The following CSMD1 variants were observed in gnomAD, a reference collection of about 807,000 sequenced individuals.
CSMD1 encodes CUB and Sushi multiple domains 1, also known as CUB and sushi domain-containing protein 1.
A neutral mutation model predicts 417.5 loss-of-function variants in CSMD1; 213 were observed. The observed-to-expected ratio is 0.51, with a 90% CI of 0.46 to 0.57. CSMD1 has a LOEUF of 0.57. CSMD1 is among the 20% of genes least tolerant of loss of function. The pLI, the probability that CSMD1 is intolerant of heterozygous loss-of-function variation, is 0.00. For synonymous variants in CSMD1, 2,862 were observed against 1,736.8 expected (o/e 1.65, Z -16.11); for missense variants, 6,923 against 4,529.7 (o/e 1.53, Z -15.17).
intron 23 of CSMD1, among the ~76,000 whole-genome samples, chr8:3,322,916 T>C (rs1180809989): frequency 6.6e-6 from 1 of 152,032 alleles, no homozygotes. Flanking sequence ...GATAAGTCTC[T>C]GAATTGTTTT....
At chr8:4,109,673 A>T (rs1210725524) in intron 3 of CSMD1, among the ~76,000 whole-genome samples, 2 of 152,178 alleles carry the variant, frequency 1.3e-5, no homozygotes, top group African/African-American at 4.8e-5. Flanking sequence ...CATTATCATT[A>T]AATAATTTTC....
At chr8:3,306,119 C>T (rs572423715) in intron 25 of CSMD1, among the ~76,000 whole-genome samples, 11 of 152,060 alleles carry the variant, frequency 7.2e-5, no homozygotes, top group African/African-American at 2.2e-4. Flanking sequence ...ATGCATTTTC[C>T]TCACTCCACT....
intron 5 of CSMD1, among the ~76,000 whole-genome samples, chr8:3,909,417 C>G (rs928746463): frequency 6.6e-6 from 1 of 151,962 alleles, no homozygotes; most frequent in Non-Finnish European, 1.5e-5. Context: ...TCAAGGGTGC[C>G]GAGGGCAGGA....
chr8:3,011,992 C>G (rs551641493), intron 52 of CSMD1, among the ~76,000 whole-genome samples: 2 of 152,192 alleles, frequency 1.3e-5, no homozygotes, highest in African/African-American at 4.8e-5. Flanking sequence ...GTGCTTAATT[C>G]TGTGGCCTGG....
At chr8:4,545,480 A>G (rs186562526) in intron 2 of CSMD1, among the ~76,000 whole-genome samples, 3 of 152,320 alleles carry the variant, frequency 2.0e-5, no homozygotes, top group South Asian at 4.1e-4. Context: ...ACTTTTCAAT[A>G]TATCTTTAAA....
At chr8:4,850,519 C>G (rs908347975) in intron 1 of CSMD1, among the ~76,000 whole-genome samples, 1 of 151,250 alleles carries the variant, frequency 6.6e-6, no homozygotes, top group African/African-American at 2.4e-5. Context: ...CCAAAATCTT[C>G]CATTTCCCTC....
At chr8:4,339,697 G>C (rs896804130) in intron 3 of CSMD1, among the ~76,000 whole-genome samples, 1 of 152,060 alleles carries the variant, frequency 6.6e-6, no homozygotes, top group Non-Finnish European at 1.5e-5. Flanking sequence ...CCAGGTTTGA[G>C]TGAGTGAGAA....
chr8:4,017,913 G>C (rs535000481), intron 4 of CSMD1, among the ~76,000 whole-genome samples: 190 of 152,234 alleles, frequency 1.2e-3, no homozygotes, highest in African/African-American at 4.3e-3. Context: ...CGGTATTTCT[G>C]ATGACTCCAA....
chr8:3,660,887 T>G (rs940854300), intron 7 of CSMD1, among the ~76,000 whole-genome samples: 3 of 152,184 alleles, frequency 2.0e-5, no homozygotes, highest in Non-Finnish European at 2.9e-5. Flanking sequence ...CTATGACAGA[T>G]TTTTTGTATA....
intron 3 of CSMD1, among the ~76,000 whole-genome samples, chr8:4,130,669 T>A (rs1466549041): frequency 6.6e-6 from 1 of 152,186 alleles, no homozygotes; most frequent in Non-Finnish European, 1.5e-5. Flanking sequence ...CATTTTGTGA[T>A]TATAATGTAA....
intron 5 of CSMD1, among the ~76,000 whole-genome samples, chr8:3,880,127 T>C (rs896672958): frequency 1.3e-5 from 2 of 152,148 alleles, no homozygotes; most frequent in African/African-American, 4.8e-5. Context: ...CACAAGTTTC[T>C]ACTGTGACTG....
chr8:4,256,944 C>A (rs1292611574), intron 3 of CSMD1, among the ~76,000 whole-genome samples: 2 of 152,228 alleles, frequency 1.3e-5, no homozygotes, highest in African/African-American at 4.8e-5. Context: ...CCTCCGTGGG[C>A]TGCTGACCTC....
intron 17 of CSMD1, among the ~76,000 whole-genome samples, chr8:3,388,038 G>A (rs1482368510): frequency 6.6e-6 from 1 of 152,032 alleles, no homozygotes; most frequent in African/African-American, 2.4e-5. Context: ...CACTCTCCCT[G>A]TGTCTTATAT....
At chr8:3,519,708 G>C (rs1797422959) in intron 10 of CSMD1, among the ~76,000 whole-genome samples, 1 of 152,244 alleles carries the variant, frequency 6.6e-6, no homozygotes, top group Non-Finnish European at 1.5e-5. Context: ...ATAAAGTGGT[G>C]CACGCTATAC....
intron 40 of CSMD1, among the ~76,000 whole-genome samples, chr8:3,150,367 T>C (rs930736824): frequency 1.3e-5 from 2 of 152,192 alleles, no homozygotes; most frequent in Non-Finnish European, 2.9e-5. Flanking sequence ...AACAGTCATG[T>C]TGGTCAACTG....
intron 2 of CSMD1, among the ~76,000 whole-genome samples, chr8:4,548,710 A>C (rs1797736936): frequency 6.6e-6 from 1 of 152,092 alleles, no homozygotes; most frequent in Non-Finnish European, 1.5e-5. Flanking sequence ...CTCTTTTTTA[A>C]CTGATCTCCA....
Position 4,792,915 on chromosome 8 carries a change from T to G in CSMD1, c.86-155357A>C, listed in dbSNP as rs534575384. Among the ~76,000 whole-genome samples the G allele has an allele frequency of 2.0e-5, 3 of 151,942 alleles. No individual in the cohort carries two copies. In the South Asian group the frequency reaches 6.2e-4, roughly 32 times the overall value. ...CCAGCACATTTGAGTTCATATAGAG[T>G]TCAGTATGATTAAAAAGGGATGCAA... On this transcript the variant is annotated intron_variant, in intron 1 of 69. Coordinates refer to ENST00000635120, the MANE Select transcript of CSMD1 (RefSeq NM_033225.6).
At chr8:4,682,706 C>G (rs926521056) in intron 1 of CSMD1, among the ~76,000 whole-genome samples, 3 of 151,608 alleles carry the variant, frequency 2.0e-5, no homozygotes, top group Non-Finnish European at 2.9e-5. Context: ...AAATGATACT[C>G]TAATTCTATA....
At chr8:3,071,501 C>A (rs1286984845) in intron 49 of CSMD1, among the ~76,000 whole-genome samples, 1 of 151,914 alleles carries the variant, frequency 6.6e-6, no homozygotes, top group Non-Finnish European at 1.5e-5. Context: ...ACATGTATCC[C>A]AGAACTTAAA....
Sources: gnomAD v4.1 joint callset for allele counts (sites outside exome capture counted in the v4.1 genomes callset) on GRCh38, gnomAD v4.1.1 for gene constraint, MANE v1.5 for transcripts, NCBI Gene and HGNC (gene_info 2026-07-23, HGNC 2026-07-21) for gene names.